WDR45B: variants seen among roughly 807,000 people sequenced by gnomAD.
WDR45B encodes WD repeat domain phosphoinositide-interacting protein 3.
A neutral mutation model predicts 44.6 loss-of-function variants in WDR45B; 20 were observed. That is an observed-to-expected ratio of 0.45 (90% CI 0.32 to 0.65). The LOEUF (loss-of-function observed/expected upper bound fraction) is 0.65, where lower values mean the gene tolerates loss of function less well. WDR45B is among the 30% of genes least tolerant of loss of function. The probability of loss-of-function intolerance (pLI) is 0.05; values close to 1 mark genes in which losing one functional copy is unlikely to be tolerated. For missense variants in WDR45B, 323 were observed against 430.2 expected (o/e 0.75, Z 2.20); for synonymous variants, 169 against 164.9 (o/e 1.02, Z -0.19).
chr17:82,630,767 G>A (rs1198721256), intron 3 of WDR45B, among the ~76,000 whole-genome samples, 154 bp downstream of exon 3: 1 of 152,150 alleles, frequency 6.6e-6, no homozygotes, highest in African/African-American at 2.4e-5. Context: ...TAGAGACCTG[G>A]TGCCCTCTTC....
chr17:82,638,300 A>C, intron 2 of WDR45B, among the ~76,000 whole-genome samples: 1 of 127,536 alleles, frequency 7.8e-6, no homozygotes, highest in African/African-American at 3.2e-5. Context: ...AAGAAAAAAG[A>C]AAAGAAAGGA....
chr17:82,616,492 T>TG, intron 9 of WDR45B, 32 bp downstream of exon 9: 1 of 1,612,438 alleles, frequency 6.2e-7, no homozygotes, highest in Non-Finnish European at 8.5e-7. Context: ...GTGGGGCGGG[T>TG]GGGGACGTTC....
intron 2 of WDR45B, among the ~76,000 whole-genome samples, chr17:82,642,921 G>C (rs2045934997): frequency 6.6e-6 from 1 of 152,178 alleles, no homozygotes; most frequent in Non-Finnish European, 1.5e-5. Flanking sequence ...TGCAAGTCAA[G>C]CTGTTTTAAA....
chr17:82,617,290 A>G lies in WDR45B; in HGVS notation c.806+6T>C. 1.9e-6 allele frequency: 3 copies of G among 1,612,068 alleles called. No individual in the cohort carries two copies. The highest frequency in any genetic ancestry group is 2.5e-6 in the Non-Finnish European group (3 of 1,179,716). Reference sequence around the variant, plus strand: ...GCTTTTCCCCAGCAGGCATCCTAACACCTACCTGGACTGTTTATTCCTTTT... The same window carrying G: ...GCTTTTCCCCAGCAGGCATCCTAACGCCTACCTGGACTGTTTATTCCTTTT... On this transcript the variant is annotated splice_donor_region_variant and intron_variant, in intron 8 of 9. Transcript: ENST00000392325.
chr17:82,622,392 C>T (rs2143270797), intron 5 of WDR45B, among the ~76,000 whole-genome samples: 1 of 152,238 alleles, frequency 6.6e-6, no homozygotes, highest in Non-Finnish European at 1.5e-5. Flanking sequence ...CAAGCTGATA[C>T]TAAGAATTAT....
chr17:82,616,147 A>G, intron 9 of WDR45B, 122 bp from the exon 10 acceptor site: 1 of 970,908 alleles, frequency 1.0e-6, no homozygotes, highest in Non-Finnish European at 1.6e-6. Context: ...GAAAGCCCTG[A>G]AAGGCCCCAG....
At chr17:82,623,128 A>T (rs570000945) in intron 5 of WDR45B, among the ~76,000 whole-genome samples, 96 of 152,338 alleles carry the variant, frequency 6.3e-4, no homozygotes, top group Non-Finnish European at 7.8e-4. Flanking sequence ...ACAGTGGCTC[A>T]CGCCTGTAAT....
intron 4 of WDR45B, 151 bp from the exon 5 acceptor site, chr17:82,625,634 G>C (rs2045685879): frequency 3.8e-6 from 3 of 791,180 alleles, no homozygotes; most frequent in Admixed American, 4.2e-5. Flanking sequence ...GAGGCAGGTA[G>C]CCAGCGCCAG....
Position 82,619,034 on chromosome 17 carries a change from T to G in WDR45B, c.704+9A>C. On this transcript the variant is annotated intron_variant, in intron 7 of 9. Transcript: ENST00000392325. Reference sequence around the variant, plus strand: ...AGTTCTTCTCCGGTGAAGTTGGAGGTGCCCTTACCAGTAAATATTGGCTGC... The same window carrying G: ...AGTTCTTCTCCGGTGAAGTTGGAGGGGCCCTTACCAGTAAATATTGGCTGC... The G allele has an allele frequency of 6.2e-7, 1 of 1,613,888 alleles. No individual in the cohort carries two copies. Among genetic ancestry groups the G allele is most frequent in the Non-Finnish European group, 8.5e-7 (1 of 1,179,792 alleles).
intron 2 of WDR45B, among the ~76,000 whole-genome samples, chr17:82,640,585 G>A (rs2045901570): frequency 1.3e-5 from 2 of 152,020 alleles, no homozygotes; most frequent in South Asian, 2.1e-4. Flanking sequence ...TCCTGACCTC[G>A]TGATCTGCCC....
In WDR45B at chr17:82,614,565, C is replaced by T. The variant is rs1367606339; in HGVS notation, c.*1354G>A. On this transcript the variant is annotated 3_prime_UTR_variant, in exon 10 of 10. Coordinates refer to ENST00000392325, the MANE Select transcript of WDR45B (RefSeq NM_019613.4). ...TAACACACAATTCTACTTCCCATTACAGGTCCAGACTACAACAAAATTAGT... is the reference window on the plus strand; with the variant it reads ...TAACACACAATTCTACTTCCCATTATAGGTCCAGACTACAACAAAATTAGT... 1 of 152,632 alleles carries T rather than the reference C, an allele frequency of 6.6e-6. No individual in the cohort carries two copies. The highest frequency in any genetic ancestry group is 1.5e-5 in the Non-Finnish European group (1 of 68,040). 9.5% of individuals were successfully genotyped at this position (152,632 alleles called of 1,614,324 possible). A position where few individuals can be genotyped will look rare whatever the true frequency, so the allele number is the denominator to read the frequency against.
intron 4 of WDR45B, chr17:82,626,721 A>G (rs1003229170): frequency 4.8e-6 from 1 of 206,946 alleles, no homozygotes; most frequent in African/African-American, 2.3e-5. Context: ...ACTAGGACAA[A>G]CTTCCATATT....
chr17:82,648,310 T>G lies in WDR45B; in HGVS notation c.31A>C (p.Asn11His). Residue 11 changes from asparagine to histidine, a missense_variant, in exon 1 of 10, where the codon AAC becomes CAC. Transcript: ENST00000392325. Reference protein sequence around the residue: MNLLPCNPHGNGLLYAGFNQD... With the variant: MNLLPCNPHGHGLLYAGFNQD... Reference sequence around the variant, plus strand: ...TTGAAGCCGGCGTAGAGCAGCCCGTTGCCGTGAGGGTTACACGGCAGGAGG... The same window carrying G: ...TTGAAGCCGGCGTAGAGCAGCCCGTGGCCGTGAGGGTTACACGGCAGGAGG... The G allele has an allele frequency of 3.7e-6, 6 of 1,607,030 alleles. No individual in the cohort carries two copies. The highest frequency in any genetic ancestry group is 5.1e-6 in the Non-Finnish European group (6 of 1,178,116).
chr17:82,643,054 G>A (rs774942892), intron 2 of WDR45B, among the ~76,000 whole-genome samples: 4 of 152,188 alleles, frequency 2.6e-5, no homozygotes, highest in Non-Finnish European at 4.4e-5. Context: ...GTGCGCGCAG[G>A]CATTAATCTG....
intron 5 of WDR45B, among the ~76,000 whole-genome samples, chr17:82,622,406 G>A (rs891952309): frequency 1.3e-5 from 2 of 152,078 alleles, no homozygotes; most frequent in African/African-American, 4.8e-5. Context: ...GAATTATAAG[G>A]AAAAATAAAG....
At chr17:82,623,072 G>C (rs1219753886) in intron 5 of WDR45B, among the ~76,000 whole-genome samples, 1 of 152,186 alleles carries the variant, frequency 6.6e-6, no homozygotes, top group African/African-American at 2.4e-5. Flanking sequence ...AGTGTGCCAG[G>C]GAAAAGGCTA....
intron 9 of WDR45B, 102 bp downstream of exon 9, chr17:82,616,422 C>T (rs2143236275): frequency 2.5e-6 from 4 of 1,589,468 alleles, no homozygotes; most frequent in Non-Finnish European, 8.6e-7. Flanking sequence ...ATCGGTGCCA[C>T]AGCGCGGTGC....
Position 82,619,057 on chromosome 17 carries a change from T to C in WDR45B, c.690A>G (p.Ala230=), listed in dbSNP as rs755581922. 1.9e-6 allele frequency: 3 copies of C among 1,614,196 alleles called. No individual in the cohort carries two copies. Among genetic ancestry groups the C allele is most frequent in the South Asian group, 2.2e-5 (2 of 91,086 alleles). ...LIQELRRGSQ[A]ANIYCINFNQ... Reference sequence around the variant, plus strand: ...GGTGCCCTTACCAGTAAATATTGGCTGCTTGAGATCCTCTTCGCAGTTCCT... The same window carrying C: ...GGTGCCCTTACCAGTAAATATTGGCCGCTTGAGATCCTCTTCGCAGTTCCT... The change falls in exon 7 of 10, where the codon GCA becomes GCG. Residue 230 remains alanine, a synonymous_variant. Transcript: ENST00000392325.
At chr17:82,645,795 T>C (rs1407973061) in intron 1 of WDR45B, among the ~76,000 whole-genome samples, 1 of 152,120 alleles carries the variant, frequency 6.6e-6, no homozygotes, top group African/African-American at 2.4e-5. Context: ...GATATATGAA[T>C]TGTTGTATGT....
Sources: allele counts gnomAD v4.1 joint callset (sites outside exome capture counted in the v4.1 genomes callset), GRCh38; gene constraint gnomAD v4.1.1; transcripts MANE v1.5; gene names NCBI Gene and HGNC (gene_info 2026-07-23, HGNC 2026-07-21).